The following ERO1A variants were observed in gnomAD, a reference collection of about 807,000 sequenced individuals.
The protein encoded by ERO1A is endoplasmic reticulum oxidoreductase 1 alpha, also known as ERO1-like protein alpha.
In ERO1A, 49 loss-of-function variants were observed where a neutral mutation model predicts 76.9. That is an observed-to-expected ratio of 0.64 (90% CI 0.51 to 0.81). ERO1A has a LOEUF of 0.81. Ranked by LOEUF, ERO1A falls within the 30% of genes least tolerant of loss-of-function variation. ERO1A has a pLI of 0.00. For missense variants in ERO1A, 448 were observed against 542.1 expected, an observed-to-expected ratio of 0.83 and a Z score of 1.72; for synonymous variants, 174 against 181.2, an observed-to-expected ratio of 0.96 and a Z score of 0.32.
chr14:52,661,770 C>A (rs1315977447), intron 8 of ERO1A, among the ~76,000 whole-genome samples: 1 of 151,862 alleles, frequency 6.6e-6, no homozygotes, highest in African/African-American at 2.4e-5. Context: ...TTTTCATAGA[C>A]TATTTATAAG....
intron 1 of ERO1A, among the ~76,000 whole-genome samples, chr14:52,684,284 C>T (rs1486157267): frequency 6.6e-6 from 1 of 152,168 alleles, no homozygotes; most frequent in Non-Finnish European, 1.5e-5. Flanking sequence ...TTGAGAATAA[C>T]AGGGAAAGAT....
chr14:52,677,631 G>C (rs1042077815), intron 4 of ERO1A, among the ~76,000 whole-genome samples: 1 of 150,696 alleles, frequency 6.6e-6, no homozygotes, highest in Non-Finnish European at 1.5e-5. Flanking sequence ...TTGGGAGGCT[G>C]AGGGAGGAGG....
intron 11 of ERO1A, among the ~76,000 whole-genome samples, chr14:52,657,100 G>C (rs1298197540): frequency 6.6e-6 from 1 of 152,182 alleles, no homozygotes; most frequent in Non-Finnish European, 1.5e-5. Context: ...ATGGCAACAT[G>C]CAGAAGTTAC....
At chr14:52,671,103 CT>C (rs2040582260) in intron 6 of ERO1A, among the ~76,000 whole-genome samples, 1 of 152,198 alleles carries the variant, frequency 6.6e-6, no homozygotes, top group Non-Finnish European at 1.5e-5. Context: ...TATACTTGTC[CT>C]TTGGTGCCTG....
intron 3 of ERO1A, among the ~76,000 whole-genome samples, chr14:52,681,705 T>C (rs2040999562): frequency 6.6e-6 from 1 of 151,984 alleles, no homozygotes; most frequent in South Asian, 2.1e-4. Flanking sequence ...ATTTTCACAG[T>C]AGGATACTTC....
In ERO1A at chr14:52,653,157, C is replaced by G. The variant is rs143610986; in HGVS notation, c.967G>C (p.Glu323Gln). The change falls in exon 12 of 16, where the codon GAG becomes CAG. Residue 323 changes from glutamate to glutamine, a missense_variant. Physicochemically the swap from Glu to Gln is conservative, Grantham distance 29 (BLOSUM62 2). Transcript: ENST00000395686. Reference sequence around the variant, plus strand: ...GTAAAGAGTTGAAAATCTGGGCGCTCGAAGAATGGTAACACTTTGGATAAA... The same window carrying G: ...GTAAAGAGTTGAAAATCTGGGCGCTGGAAGAATGGTAACACTTTGGATAAA... ...RALSKVLPFF[E>Q]RPDFQLFTGN... 1.2e-6 allele frequency: 2 copies of G among 1,613,296 alleles called. No homozygotes were observed. Among genetic ancestry groups the G allele is most frequent in the South Asian group, 2.2e-5 (2 of 91,028 alleles).
At chr14:52,671,987 ATTGCTT>A (rs2040615473) in intron 4 of ERO1A, 116 bp from the exon 5 acceptor site, 2 of 752,092 alleles carry the variant, frequency 2.7e-6, no homozygotes, top group East Asian at 5.7e-5. Context: ...ATATGTTCTT[ATTGCTT>A]TTAATTTTTC....
chr14:52,672,788 A>C (rs1033420623), intron 4 of ERO1A, among the ~76,000 whole-genome samples: 2 of 150,488 alleles, frequency 1.3e-5, no homozygotes, highest in Non-Finnish European at 3.0e-5. Flanking sequence ...AAAAAAAAAA[A>C]AAAAACAAAA....
chr14:52,669,311 G>T (rs1250322254), intron 6 of ERO1A, among the ~76,000 whole-genome samples: 1 of 151,918 alleles, frequency 6.6e-6, no homozygotes, highest in South Asian at 2.1e-4. Flanking sequence ...GTTAATTAAG[G>T]TTAAAATATT....
intron 4 of ERO1A, among the ~76,000 whole-genome samples, chr14:52,672,894 A>G (rs1203998884): frequency 6.6e-6 from 1 of 152,064 alleles, no homozygotes; most frequent in African/African-American, 2.4e-5. Flanking sequence ...AATGTATCCA[A>G]TTCAAAGCAG....
chr14:52,671,582 TC>T, intron 6 of ERO1A, 47 bp downstream of exon 6: 2 of 1,375,200 alleles, frequency 1.5e-6, no homozygotes, highest in Admixed American at 2.0e-5. Flanking sequence ...ACTTTTTTTT[TC>T]TTAGGTATAA....
intron 2 of ERO1A, 28 bp downstream of exon 2, chr14:52,683,760 A>C (rs1254975543): frequency 7.0e-6 from 7 of 999,972 alleles, no homozygotes; most frequent in Non-Finnish European, 1.0e-5. Flanking sequence ...TAAAGTATTC[A>C]TATATAAAAA....
intron 11 of ERO1A, among the ~76,000 whole-genome samples, chr14:52,655,552 C>A (rs760339493): frequency 2.6e-5 from 4 of 152,010 alleles, no homozygotes; most frequent in Non-Finnish European, 4.4e-5. Context: ...TTAAAGGCTG[C>A]AAAATAATAA....
At chr14:52,661,160 C>A (rs2040220238) in intron 9 of ERO1A, 133 bp downstream of exon 9, 2 of 373,158 alleles carry the variant, frequency 5.4e-6, no homozygotes, top group Non-Finnish European at 9.9e-6. Context: ...TACCTCCAGA[C>A]TTTCAGATAA....
rs2039538879 is a variant in ERO1A at position 52,643,398 on chromosome 14, C to T, written c.*172G>A. Reference sequence around the variant, plus strand: ...TACTCACAGTAGTATTATACATAGACTTAACACAATTTTTAAAAATGTGTT... The same window carrying T: ...TACTCACAGTAGTATTATACATAGATTTAACACAATTTTTAAAAATGTGTT... On this transcript the variant is annotated 3_prime_UTR_variant, in exon 16 of 16. Coordinates refer to ENST00000395686, the MANE Select transcript of ERO1A (RefSeq NM_014584.3). The T allele has an allele frequency of 4.2e-6, 2 of 480,788 alleles. No individual in the cohort carries two copies. The highest frequency in any genetic ancestry group is 7.3e-6 in the Non-Finnish European group (2 of 274,160). 29.8% of individuals were successfully genotyped at this position (480,788 alleles called of 1,614,324 possible).
At position 52,646,186 on chromosome 14, in the gene ERO1A, T is replaced by C. The variant is rs1200871944; in HGVS notation, c.1314A>G (p.Gln438=). ...GPSYEFHLTR[Q]EIVSLFNAFG... Reference sequence around the variant, plus strand: ...ATGCGTTGAATAATGATACTATTTCTTGTCTGGTTAGATGGAATTCATAAC... The same window carrying C: ...ATGCGTTGAATAATGATACTATTTCCTGTCTGGTTAGATGGAATTCATAAC... Residue 438 remains glutamine, a synonymous_variant, in exon 15 of 16, where the codon CAA becomes CAG. Coordinates refer to ENST00000395686, the MANE Select transcript of ERO1A (RefSeq NM_014584.3). 1.2e-6 allele frequency: 2 copies of C among 1,612,310 alleles called. No homozygotes were observed. The highest frequency in any genetic ancestry group is 4.5e-5 in the East Asian group (2 of 44,834).
intron 8 of ERO1A, among the ~76,000 whole-genome samples, 190 bp downstream of exon 8, chr14:52,663,611 A>T (rs2040303749): frequency 6.6e-6 from 1 of 152,060 alleles, no homozygotes; most frequent in African/African-American, 2.4e-5. Flanking sequence ...AAAAAAAAAA[A>T]AAAATACTTT....
intron 6 of ERO1A, among the ~76,000 whole-genome samples, chr14:52,666,926 G>C (rs910338459): frequency 1.3e-5 from 2 of 151,952 alleles, no homozygotes; most frequent in East Asian, 3.8e-4. Flanking sequence ...GCGAGACTCC[G>C]TCTCAGAAAA....
intron 15 of ERO1A, among the ~76,000 whole-genome samples, chr14:52,644,536 T>C (rs889626351): frequency 6.6e-6 from 1 of 152,156 alleles, no homozygotes; most frequent in Non-Finnish European, 1.5e-5. Context: ...ATAAAATATG[T>C]AAGTATACAA....
Sources: gnomAD v4.1 joint callset for allele counts (sites outside exome capture counted in the v4.1 genomes callset) on GRCh38, gnomAD v4.1.1 for gene constraint, MANE v1.5 for transcripts, NCBI Gene and HGNC (gene_info 2026-07-23, HGNC 2026-07-21) for gene names.